LYPD8: variants seen among roughly 807,000 people sequenced by gnomAD.
LYPD8 encodes the protein ly6/PLAUR domain-containing protein 8.
Under a neutral mutation model 1.7 loss-of-function variants are expected in LYPD8, and 8 were observed. That is an observed-to-expected ratio of 4.58 (90% CI 2.69 to 8.27). The LOEUF is 8.27. LYPD8 is among the 30% of genes most tolerant of loss of function. The probability of loss-of-function intolerance (pLI) is 0.00; values close to 1 mark genes in which losing one functional copy is unlikely to be tolerated. For missense variants in LYPD8, 112 were observed against 102.3 expected (o/e 1.09, Z -0.41); for synonymous variants, 50 against 43.6 (o/e 1.15, Z -0.58).
chr1:248,745,263 G>C lies in LYPD8; in HGVS notation c.354C>G (p.Asn118Lys). ...CAGGGCACTCTGCGTTGCTGGACAC[G>C]TTCTTCAGGGGAGGGTCTGGAAGAG... is the stretch of plus-strand genomic sequence containing the variant. ...TSDALDPPLK[N>K]VSSNAECPAC... The change falls in exon 6 of 7, where the codon AAC becomes AAG. Residue 118 changes from asparagine (N) to lysine (K), a missense_variant. By Grantham distance (94) the Asn-to-Lys change is moderately conservative (BLOSUM62 0). Coordinates refer to ENST00000590317, the MANE Select transcript of LYPD8 (RefSeq NM_001085474.2). The C allele has an allele frequency of 2.5e-6, 1 of 398,574 alleles. No individual in the cohort carries two copies. The highest frequency in any genetic ancestry group is 4.4e-6 in the Non-Finnish European group (1 of 226,060). 24.7% of individuals were successfully genotyped at this position (398,574 alleles called of 1,614,324 possible).
At chr1:248,753,875 T>C (rs1324696346) in intron 2 of LYPD8, among the ~76,000 whole-genome samples, 14,406 of 127,480 alleles carry the variant, frequency 0.11, 952 homozygotes, top group East Asian at 0.29. Context: ...ACACACCCCA[T>C]GCATCACACA....
chr1:248,754,093 A>C (rs1404514367), intron 2 of LYPD8, among the ~76,000 whole-genome samples: 1 of 147,994 alleles, frequency 6.8e-6, no homozygotes, highest in East Asian at 2.1e-4. Context: ...TACACCACAT[A>C]CACAAATACC....
chr1:248,741,103 G>A lies in LYPD8; in HGVS notation c.476-1254C>T, dbSNP rs184718017. 1.2e-3 allele frequency among the ~76,000 whole-genome samples: 177 copies of A among 151,274 alleles called. 1 individual carries two copies. The highest frequency in any genetic ancestry group is 4.0e-3 in the African/African-American group (164 of 40,572). ...CATTCCGGCCCGGGCGACAGAGCGA[G>A]ACCCTGTCTTGAACAGCAACAACAA... On this transcript the variant is annotated intron_variant, in intron 6 of 6. Transcript: ENST00000590317.
At chr1:248,741,352 G>A (rs1490338919) in intron 6 of LYPD8, among the ~76,000 whole-genome samples, 2 of 152,152 alleles carry the variant, frequency 1.3e-5, no homozygotes, top group Non-Finnish European at 2.9e-5. Flanking sequence ...GACTACAGGC[G>A]CGTGCCACCA....
chr1:248,752,761 CCACACACCCCACACAACACACACCA>C (rs1662827770), intron 2 of LYPD8, among the ~76,000 whole-genome samples: 1 of 108,136 alleles, frequency 9.2e-6, no homozygotes, highest in African/African-American at 3.5e-5. Context: ...CCCACACACA[CCACACACCCCACACAACACACACCA>C]CACACACACC....
chr1:248,744,631 G>GTGTATTTTACAATGGGTAGTA (rs1662695278), intron 6 of LYPD8, among the ~76,000 whole-genome samples: 1 of 131,756 alleles, frequency 7.6e-6, no homozygotes, highest in African/African-American at 3.4e-5. Flanking sequence ...AATGGGTAGT[G>GTGTATTTTACAATGGGTAGTA]TCAAATGTGT....
rs1662552309 is a variant in LYPD8 at position 248,739,719 on chromosome 1, G to A, written c.606C>T (p.Asn202=). 6.4e-7 allele frequency: 1 copy of A among 1,551,708 alleles called. No individual in the cohort carries two copies. Among genetic ancestry groups the A allele is most frequent in the Non-Finnish European group, 8.7e-7 (1 of 1,146,990 alleles). Residue 202 remains asparagine, a synonymous_variant, in exon 7 of 7, where the codon AAC becomes AAT. Transcript: ENST00000590317. The surrounding 1 kb of genome is among the most constrained non-coding windows in gnomAD (Gnocchi z 4.3). ...IFRKFECANV[N]SLTPTSAPTT... ...TTGGTGCAGACGTGGGGGTTAAGCTGTTTACATTTGCACACTCAAACTTTC... is the reference window on the plus strand; with the variant it reads ...TTGGTGCAGACGTGGGGGTTAAGCTATTTACATTTGCACACTCAAACTTTC...
At chr1:248,743,834 G>A (rs1474189125) in intron 6 of LYPD8, among the ~76,000 whole-genome samples, 2 of 152,208 alleles carry the variant, frequency 1.3e-5, no homozygotes, top group African/African-American at 2.4e-5. Context: ...ATACAGCACA[G>A]AGCTGCCAAG....
At chr1:248,752,986 AACACACACACAAACACAC>A (rs1662842616) in intron 2 of LYPD8, among the ~76,000 whole-genome samples, 1 of 68,244 alleles carries the variant, frequency 1.5e-5, no homozygotes, top group Non-Finnish European at 3.0e-5. Flanking sequence ...CACACAACAC[AACACACACACAAACACAC>A]CACATCATAC....
At position 248,750,934 on chromosome 1, in the gene LYPD8, A is replaced by G. The variant is rs2103171506; in HGVS notation, c.52+96T>C. The G allele has an allele frequency of 1.0e-5, 4 of 398,522 alleles. No individual in the cohort carries two copies. The East Asian group carries it at 1.4e-4, about 14-fold the overall frequency. 24.7% of individuals were successfully genotyped at this position (398,522 alleles called of 1,614,324 possible). A position where few individuals can be genotyped will look rare whatever the true frequency, so the allele number is the denominator to read the frequency against. ...CATGGTCATCCCTGACCATAATTTG[A>G]CATGTGAGGCCCTCGGGGATTTGAG... On this transcript the variant is annotated intron_variant, in intron 3 of 6. Transcript: ENST00000590317.
intron 2 of LYPD8, among the ~76,000 whole-genome samples, chr1:248,753,159 A>G (rs1478867197): frequency 2.0e-3 from 234 of 115,528 alleles, no homozygotes; most frequent in African/African-American, 7.2e-3. Flanking sequence ...AACACCCCAC[A>G]CACCACACAC....
chr1:248,752,242 T>C (rs1558208489), intron 2 of LYPD8, among the ~76,000 whole-genome samples: 2 of 151,982 alleles, frequency 1.3e-5, no homozygotes, highest in South Asian at 2.1e-4. Context: ...ACTTCCATCA[T>C]TGCGGAGAGT....
In LYPD8 at chr1:248,751,088, G is replaced by A. The variant is rs1258186757; in HGVS notation, c.-7C>T. On this transcript the variant is annotated 5_prime_UTR_variant, in exon 3 of 7. Transcript: ENST00000590317. ...CAACGAGGATGCCCTTCATGGTGCT[G>A]GAGCTGACTTCTCCCAAGGATGGGG... 12 of 398,526 alleles carry A rather than the reference G, an allele frequency of 3.0e-5. No individual in the cohort carries two copies. The highest frequency in any genetic ancestry group is 5.3e-5 in the Non-Finnish European group (12 of 226,074). The allele number at this position is 398,526 out of a possible 1,614,324, so 24.7% of individuals were successfully genotyped here.
intron 2 of LYPD8, among the ~76,000 whole-genome samples, chr1:248,753,901 A>T (rs916366695): frequency 1.3e-5 from 2 of 150,074 alleles, no homozygotes; most frequent in Non-Finnish European, 3.0e-5. Flanking sequence ...CACACATCAC[A>T]TGTCATACAT....
intron 6 of LYPD8, among the ~76,000 whole-genome samples, chr1:248,743,190 T>C (rs116586868): frequency 0.027 from 4,031 of 151,990 alleles, 201 homozygotes; most frequent in African/African-American, 0.09. Context: ...CGGGGCTGGG[T>C]GCTGTGGCTC....
chr1:248,744,844 G>T (rs192616106), intron 6 of LYPD8, among the ~76,000 whole-genome samples: 1 of 152,330 alleles, frequency 6.6e-6, no homozygotes, highest in Admixed American at 6.5e-5. Flanking sequence ...ACCTGGTAAA[G>T]AAGTGAATGT....
At chr1:248,752,775 C>T (rs1662828761) in intron 2 of LYPD8, among the ~76,000 whole-genome samples, 2 of 108,456 alleles carry the variant, frequency 1.8e-5, no homozygotes, top group African/African-American at 3.7e-5. Flanking sequence ...ACACCCCACA[C>T]AACACACACC....
chr1:248,755,430 A>G (rs1662904981), intron 1 of LYPD8, 44 bp from the exon 2 acceptor site: 1 of 152,304 alleles, frequency 6.6e-6, no homozygotes, highest in African/African-American at 2.4e-5. Flanking sequence ...TGTCACACAC[A>G]GAATGATGCA....
chr1:248,752,293 C>G lies in LYPD8; in HGVS notation c.-49-1163G>C, dbSNP rs1662812191. Among the ~76,000 whole-genome samples the G allele has an allele frequency of 2.6e-5, 4 of 152,042 alleles. No individual in the cohort carries two copies. In the South Asian group the frequency reaches 8.3e-4, roughly 31 times the overall value. ...TGTACGGCAGAGGCTATTAGCCCCA[C>G]TCTACAGGTGAGAAACCTGCAGCAC... On this transcript the variant is annotated intron_variant, in intron 2 of 6. Coordinates refer to ENST00000590317, the MANE Select transcript of LYPD8 (RefSeq NM_001085474.2).
Sources: allele counts gnomAD v4.1 joint callset (sites outside exome capture counted in the v4.1 genomes callset), GRCh38; gene constraint gnomAD v4.1.1; non-coding constraint Gnocchi (gnomAD v3.1); transcripts MANE v1.5; gene names NCBI Gene and HGNC (gene_info 2026-07-23, HGNC 2026-07-21).